GOLGA4: variants seen among roughly 807,000 people sequenced by gnomAD.
GOLGA4 encodes the protein golgin subfamily A member 4.
Under a neutral mutation model 265.9 loss-of-function variants are expected in GOLGA4, and 169 were observed. The observed-to-expected ratio is 0.64, with a 90% confidence interval of 0.56 to 0.72. The LOEUF is 0.72. GOLGA4 is among the 30% of genes least tolerant of loss of function. GOLGA4 has a pLI of 0.00. For missense variants in GOLGA4, 2,482 were observed against 2,483.4 expected (o/e 1.00, Z 0.01); for synonymous variants, 923 against 855.8 (o/e 1.08, Z -1.37).
At chr3:37,334,817 T>C (rs747539289) in intron 16 of GOLGA4, among the ~76,000 whole-genome samples, 3 of 151,958 alleles carry the variant, frequency 2.0e-5, no homozygotes, top group Non-Finnish European at 2.9e-5. Flanking sequence ...CTAGGAATAA[T>C]GAGCATTGGA....
At chr3:37,353,757 T>C (rs1314184270) in intron 21 of GOLGA4, among the ~76,000 whole-genome samples, 1 of 151,970 alleles carries the variant, frequency 6.6e-6, no homozygotes, top group African/African-American at 2.4e-5. Flanking sequence ...TCCTGGCTAA[T>C]TTTTAAAATT....
chr3:37,243,342 G>A lies in GOLGA4; in HGVS notation c.-209G>A. 1.7e-6 allele frequency: 1 copy of A among 575,020 alleles called. No individual in the cohort carries two copies. The highest frequency in any genetic ancestry group is 3.1e-6 in the Non-Finnish European group (1 of 320,514). The allele number at this position is 575,020 out of a possible 1,614,324, so 35.6% of individuals were successfully genotyped here. On this transcript the variant is annotated 5_prime_UTR_variant, in exon 1 of 24. Transcript: ENST00000361924. ...GATGGGGGGCCGAGGCCAGCCAGTG[G>A]CACCCGGAAGAAAGAGACGCGGCGG...
At chr3:37,264,178 ACTC>A (rs2096777548) in intron 2 of GOLGA4, among the ~76,000 whole-genome samples, 1 of 152,066 alleles carries the variant, frequency 6.6e-6, no homozygotes, top group African/African-American at 2.4e-5. Context: ...TTTCAAATAT[ACTC>A]CTCTGAAGTT....
At chr3:37,245,867 CGTG>C (rs2096718098) in intron 1 of GOLGA4, among the ~76,000 whole-genome samples, 1 of 152,040 alleles carries the variant, frequency 6.6e-6, no homozygotes, top group Admixed American at 6.6e-5. Context: ...CCTGGCCATT[CGTG>C]GTCTACTTTT....
chr3:37,299,488 T>G (rs538594203), intron 9 of GOLGA4, 117 bp downstream of exon 9: 30 of 637,188 alleles, frequency 4.7e-5, no homozygotes, highest in Non-Finnish European at 7.6e-5. Context: ...TGCAGCTTTT[T>G]CCATGAAAAA....
chr3:37,328,971 C>G lies in GOLGA4; in HGVS notation c.6070C>G (p.Gln2024Glu), dbSNP rs752185704. 1 of 1,600,168 alleles carries G rather than the reference C, an allele frequency of 6.2e-7. No individual in the cohort carries two copies. Among genetic ancestry groups the G allele is most frequent in the South Asian group, 1.1e-5 (1 of 88,380 alleles). Residue 2024 changes from glutamine (Q) to glutamate (E), a missense_variant, in exon 16 of 24, where the codon CAG (glutamine) becomes GAG (glutamate). Gln to Glu is a conservative substitution (Grantham distance 29, BLOSUM62 2). Around this residue, in one of 3 missense-constraint regions of GOLGA4, gnomAD observed 942 missense variants for 983.1 expected, o/e 0.96. Coordinates refer to ENST00000361924, the MANE Select transcript of GOLGA4 (RefSeq NM_002078.5). The part of the protein sequence containing the change: ...MTIKETINKA[Q>E]EVEAELLESH... ...TCATTTTTATTTATTAGATAAGGCCCAGGAGGTGGAGGCTGAACTTTTAGA... is the reference window on the plus strand; with the variant it reads ...TCATTTTTATTTATTAGATAAGGCCGAGGAGGTGGAGGCTGAACTTTTAGA...
At chr3:37,300,781 A>G (rs2096890635) in intron 9 of GOLGA4, among the ~76,000 whole-genome samples, 1 of 152,204 alleles carries the variant, frequency 6.6e-6, no homozygotes, top group Non-Finnish European at 1.5e-5. Context: ...AAATTTAATA[A>G]TTTTAAAATA....
At chr3:37,323,116 CTTTTTTTTTT>C (rs567838649) in intron 13 of GOLGA4, among the ~76,000 whole-genome samples, 67 of 114,152 alleles carry the variant, frequency 5.9e-4, no homozygotes, top group African/African-American at 1.8e-3. Context: ...TTCCTTTTGT[CTTTTTTTTTT>C]TTTTTTTTTT....
At chr3:37,252,652 G>C (rs1476219526) in intron 2 of GOLGA4, among the ~76,000 whole-genome samples, 1 of 151,824 alleles carries the variant, frequency 6.6e-6, no homozygotes, top group Non-Finnish European at 1.5e-5. Flanking sequence ...AAATATGCTG[G>C]AAAACAGTCT....
At chr3:37,278,137 TTTG>T (rs2096824417) in intron 2 of GOLGA4, among the ~76,000 whole-genome samples, 2 of 151,844 alleles carry the variant, frequency 1.3e-5, no homozygotes, top group African/African-American at 2.4e-5. Flanking sequence ...TAAAGTTTTT[TTTG>T]TTGTTAAACA....
At chr3:37,254,756 C>T (rs2096743820) in intron 2 of GOLGA4, among the ~76,000 whole-genome samples, 1 of 151,052 alleles carries the variant, frequency 6.6e-6, no homozygotes, top group Admixed American at 6.6e-5. Context: ...CCTGCCTCGG[C>T]CTCCCAAAGT....
At chr3:37,321,547 C>A in intron 12 of GOLGA4, 184 bp from the exon 13 acceptor site, 2 of 537,670 alleles carry the variant, frequency 3.7e-6, no homozygotes, top group Non-Finnish European at 6.6e-6. Context: ...TGGCAATTAC[C>A]CCACTGGAAA....
In GOLGA4 at chr3:37,338,680, C is replaced by A. The variant is rs1015750687; in HGVS notation, c.6396+946C>A. Among the ~76,000 whole-genome samples the A allele has an allele frequency of 6.6e-5, 10 of 152,228 alleles. No individual in the cohort carries two copies. In the East Asian group the frequency reaches 1.7e-3, roughly 26 times the overall value. ...GTGTTGTGAAACCATCACTGTTACC[C>A]AGTTCCAGAATATTTCATCACCCCA... is the stretch of plus-strand genomic sequence containing the variant. On this transcript the variant is annotated intron_variant, in intron 19 of 23. Transcript: ENST00000361924.
At chr3:37,336,475 A>G (rs2097013109) in intron 17 of GOLGA4, among the ~76,000 whole-genome samples, 1 of 151,976 alleles carries the variant, frequency 6.6e-6, no homozygotes, top group Non-Finnish European at 1.5e-5. Flanking sequence ...AATAGCCTTA[A>G]TTTGGCCGGG....
Position 37,258,083 on chromosome 3 carries a change from GTGTA to G in GOLGA4, c.162+6601_162+6604del, listed in dbSNP as rs2096758449. Reference sequence around the variant, plus strand: ...TATGTATATATGTATATATATATGTGTGTATATATATATGCTCTGTATATATATA... The same window carrying G: ...TATGTATATATGTATATATATATGTGTATATATATGCTCTGTATATATATA... On this transcript the variant is annotated intron_variant, in intron 2 of 23. Coordinates refer to ENST00000361924, the MANE Select transcript of GOLGA4 (RefSeq NM_002078.5). Among the ~76,000 whole-genome samples, 2 of 126,414 alleles carry G rather than the reference GTGTA, an allele frequency of 1.6e-5. 1 individual carries two copies. Among genetic ancestry groups the G allele is most frequent in the Non-Finnish European group, 3.3e-5 (2 of 61,366 alleles). The allele number at this position is 126,414 out of a possible 152,430, so 82.9% of individuals were successfully genotyped here.
intron 4 of GOLGA4, chr3:37,287,716 C>T (rs2096853551): frequency 6.6e-6 from 1 of 152,190 alleles, no homozygotes; most frequent in African/African-American, 2.4e-5. Context: ...TGGCATGTTC[C>T]TGCATTTAAA....
chr3:37,315,523 A>G lies in GOLGA4; in HGVS notation c.1338A>G (p.Lys446=). 6.2e-7 allele frequency: 1 copy of G among 1,614,044 alleles called. No individual in the cohort carries two copies. The part of the protein sequence containing the change: ...EMDEQIKTIE[K]TSEEERISLQ... ...ATGAACAAATAAAAACTATCGAAAA[A>G]ACAAGTGAGGAGGAACGCATCAGTC... The change falls in exon 11 of 24, where the codon AAA becomes AAG. Residue 446 remains lysine (K), a synonymous_variant. Transcript: ENST00000361924.
At chr3:37,247,635 C>T (rs2096723057) in intron 1 of GOLGA4, among the ~76,000 whole-genome samples, 1 of 152,170 alleles carries the variant, frequency 6.6e-6, no homozygotes, top group Admixed American at 6.5e-5. Context: ...TTTTATAGTT[C>T]TGTAGGTCAG....
intron 1 of GOLGA4, among the ~76,000 whole-genome samples, chr3:37,245,986 T>C (rs2096718430): frequency 6.6e-6 from 1 of 152,208 alleles, no homozygotes; most frequent in African/African-American, 2.4e-5. Flanking sequence ...ATGGTGGCCT[T>C]ACGCCTGTAA....
Sources: gnomAD v4.1 joint callset for allele counts (sites outside exome capture counted in the v4.1 genomes callset) on GRCh38, gnomAD v4.1.1 for gene constraint, gnomAD v4.1.1 regional missense constraint, MANE v1.5 for transcripts, NCBI Gene and HGNC (gene_info 2026-07-23, HGNC 2026-07-21) for gene names.